VWC2L: variants seen among roughly 807,000 people sequenced by gnomAD.
VWC2L encodes the protein von Willebrand factor C domain-containing protein 2-like.
In VWC2L, 10 loss-of-function variants were observed where a neutral mutation model predicts 21.6. The ratio of observed to expected loss-of-function variants is 0.46; its 90% CI spans 0.29 to 0.78. VWC2L has a LOEUF of 0.78. Ranked by LOEUF, VWC2L falls within the 30% of genes least tolerant of loss-of-function variation. The probability of loss-of-function intolerance (pLI) is 0.10; values close to 1 mark genes in which losing one functional copy is unlikely to be tolerated. For missense variants in VWC2L, 209 were observed against 277.1 expected (o/e 0.75, Z 1.74); for synonymous variants, 96 against 94.3 (o/e 1.02, Z -0.10).
At chr2:214,549,905 G>T (rs907429988) in intron 3 of VWC2L, among the ~76,000 whole-genome samples, 6 of 152,074 alleles carry the variant, frequency 3.9e-5, no homozygotes, top group Admixed American at 1.3e-4. Context: ...TAACAGCCTT[G>T]ATGCCCTTTC....
intron 3 of VWC2L, among the ~76,000 whole-genome samples, chr2:214,575,432 T>C (rs1287617135): frequency 6.6e-6 from 1 of 152,184 alleles, no homozygotes; most frequent in Non-Finnish European, 1.5e-5. Flanking sequence ...ATACGATTTT[T>C]TTTGAAGATT....
At chr2:214,485,951 A>T (rs1221867855) in intron 3 of VWC2L, among the ~76,000 whole-genome samples, 2 of 152,222 alleles carry the variant, frequency 1.3e-5, no homozygotes, top group African/African-American at 4.8e-5. Context: ...TATTTTAGGT[A>T]AAACAGACAT....
intron 3 of VWC2L, among the ~76,000 whole-genome samples, chr2:214,547,435 T>G (rs2105923606): frequency 6.6e-6 from 1 of 152,302 alleles, no homozygotes; most frequent in East Asian, 1.9e-4. Flanking sequence ...TAAAATTTAC[T>G]AGGGCTGAAA....
intron 3 of VWC2L, among the ~76,000 whole-genome samples, chr2:214,482,540 C>A (rs1688617965): frequency 6.7e-6 from 1 of 149,920 alleles, no homozygotes; most frequent in South Asian, 2.1e-4. Flanking sequence ...TATATATACA[C>A]ACACACACAC....
chr2:214,547,623 T>C (rs1322979272), intron 3 of VWC2L, among the ~76,000 whole-genome samples: 1 of 152,152 alleles, frequency 6.6e-6, no homozygotes, highest in African/African-American at 2.4e-5. Context: ...TTCAAGATCA[T>C]TATAGAGCAA....
At chr2:214,475,997 T>C (rs1306708285) in intron 3 of VWC2L, among the ~76,000 whole-genome samples, 2 of 152,170 alleles carry the variant, frequency 1.3e-5, no homozygotes, top group Admixed American at 6.5e-5. Flanking sequence ...ATTGATGAAA[T>C]AGAATACGTG....
intron 3 of VWC2L, among the ~76,000 whole-genome samples, chr2:214,520,915 A>G (rs1574613389): frequency 1.3e-5 from 2 of 152,210 alleles, no homozygotes; most frequent in South Asian, 4.1e-4. Flanking sequence ...AGTAATATAT[A>G]TGATTATTCA....
At chr2:214,431,113 T>C (rs970227030) in intron 2 of VWC2L, among the ~76,000 whole-genome samples, 4 of 152,230 alleles carry the variant, frequency 2.6e-5, no homozygotes, top group African/African-American at 9.6e-5. Flanking sequence ...GCATGCAAAT[T>C]ACCGGCTACG....
chr2:214,456,319 T>C (rs1269350703), intron 3 of VWC2L, among the ~76,000 whole-genome samples: 1 of 152,200 alleles, frequency 6.6e-6, no homozygotes, highest in East Asian at 1.9e-4. Context: ...ATATACCTGT[T>C]GGCTATTGGC....
chr2:214,446,161 A>G (rs1478356169), intron 3 of VWC2L, among the ~76,000 whole-genome samples: 1 of 152,192 alleles, frequency 6.6e-6, no homozygotes, highest in African/African-American at 2.4e-5. Flanking sequence ...AACAGACATG[A>G]AACAAACACA....
At position 214,436,385 on chromosome 2, in the gene VWC2L, A is replaced by T. The variant is rs182743111; in HGVS notation, c.391-244A>T. 9.6e-4 allele frequency: 394 copies of T among 410,066 alleles called. 3 individuals carry two copies. The highest frequency in any genetic ancestry group is 1.8e-4 in the Non-Finnish European group (39 of 221,570). The allele number at this position is 410,066 out of a possible 1,614,324, so 25.4% of individuals were successfully genotyped here. A position where few individuals can be genotyped will look rare whatever the true frequency, so the allele number is the denominator to read the frequency against. ...TTTCTCTGGAAAGTAGGAACATAAG[A>T]TATAGGAAAAGTCATACACGGGTGC... On this transcript the variant is annotated intron_variant, in intron 2 of 3. Coordinates refer to ENST00000312504, the MANE Select transcript of VWC2L (RefSeq NM_001080500.4).
At chr2:214,462,261 G>A (rs1020521499) in intron 3 of VWC2L, among the ~76,000 whole-genome samples, 15 of 152,194 alleles carry the variant, frequency 9.9e-5, no homozygotes, top group African/African-American at 3.1e-4. Flanking sequence ...CAGGGGGCAA[G>A]GGCTAGCATC....
intron 3 of VWC2L, among the ~76,000 whole-genome samples, chr2:214,511,312 A>G (rs971718191): frequency 6.6e-6 from 1 of 152,150 alleles, no homozygotes; most frequent in African/African-American, 2.4e-5. Context: ...GAAAATCTGT[A>G]GCCAAACCAC....
At chr2:214,417,756 T>C (rs1274397428) in intron 2 of VWC2L, among the ~76,000 whole-genome samples, 1 of 151,926 alleles carries the variant, frequency 6.6e-6, no homozygotes, top group Non-Finnish European at 1.5e-5. Flanking sequence ...TAATAGGAAA[T>C]AAAATGCGGA....
In VWC2L at chr2:214,414,199, T is replaced by C. The variant is rs746822020; in HGVS notation, c.6T>C (p.Ala2=). Residue 2 remains alanine, a synonymous_variant, in exon 2 of 4, where the codon GCT becomes GCC. Coordinates refer to ENST00000312504, the MANE Select transcript of VWC2L (RefSeq NM_001080500.4). The part of the protein sequence containing the change: M[A]LHIHEACILL... ...AGAAGTCTTTGAAGAGGGGGATGGC[T>C]CTTCATATTCATGAAGCTTGCATAC... is the stretch of plus-strand genomic sequence containing the variant. 4 of 1,610,268 alleles carry C rather than the reference T, an allele frequency of 2.5e-6. No homozygotes were observed. The highest frequency in any genetic ancestry group is 2.2e-5 in the East Asian group (1 of 44,868).
chr2:214,529,023 C>T (rs1183055134), intron 3 of VWC2L, among the ~76,000 whole-genome samples: 3 of 152,112 alleles, frequency 2.0e-5, no homozygotes, highest in African/African-American at 7.2e-5. Flanking sequence ...TATACATAAA[C>T]AAATTATACA....
chr2:214,509,264 C>G (rs1343997631), intron 3 of VWC2L, among the ~76,000 whole-genome samples: 1 of 152,308 alleles, frequency 6.6e-6, no homozygotes, highest in Non-Finnish European at 1.5e-5. Context: ...CATGTTTAAA[C>G]ATGAGGCAAT....
At chr2:214,477,972 TG>T (rs1688549866) in intron 3 of VWC2L, among the ~76,000 whole-genome samples, 1 of 152,204 alleles carries the variant, frequency 6.6e-6, no homozygotes, top group African/African-American at 2.4e-5. Context: ...ACTTCTTTGG[TG>T]GAAGTTCTTC....
chr2:214,468,836 G>C (rs925434376), intron 3 of VWC2L, among the ~76,000 whole-genome samples: 13 of 152,132 alleles, frequency 8.5e-5, no homozygotes, highest in African/African-American at 3.1e-4. Context: ...CATTTTAAAA[G>C]CTAGATTATC....
Sources: gnomAD v4.1 joint callset for allele counts (sites outside exome capture counted in the v4.1 genomes callset) on GRCh38, gnomAD v4.1.1 for gene constraint, MANE v1.5 for transcripts, NCBI Gene and HGNC (gene_info 2026-07-23, HGNC 2026-07-21) for gene names.